Variants in WSCD1 observed in about 807,000 individuals in gnomAD.
WSCD1 encodes WSC domain sialate O sulfotransferase 1, also known as sialate:O-sulfotransferase 1.
WSCD1 carries 41 observed loss-of-function variants against 60.4 expected under a neutral mutation model. The ratio of observed to expected loss-of-function variants is 0.68; its 90% CI spans 0.53 to 0.88. The LOEUF (loss-of-function observed/expected upper bound fraction) is 0.88. Among genes scored for constraint, WSCD1 ranks in the 40% least tolerant of loss-of-function variants. The pLI is 0.00. For synonymous variants in WSCD1, 361 were observed against 332.5 expected (o/e 1.09, Z -0.93); for missense variants, 784 against 796.2 (o/e 0.98, Z 0.18).
intron 8 of WSCD1, 127 bp from the exon 9 acceptor site, chr17:6,120,182 C>G: frequency 3.8e-6 from 4 of 1,042,152 alleles, no homozygotes; most frequent in Non-Finnish European, 5.6e-6. Flanking sequence ...TGGGGAATGC[C>G]AGGTTGACTC....
chr17:6,084,381 A>C (rs955835372), intron 2 of WSCD1, among the ~76,000 whole-genome samples: 3 of 152,236 alleles, frequency 2.0e-5, no homozygotes, highest in African/African-American at 7.2e-5. Context: ...CCATGGGCCA[A>C]GCACAGCCAG....
chr17:6,070,153 GGTGTGTGTGT>G (rs375644165), upstream of WSCD1, among the ~76,000 whole-genome samples: 1 of 142,234 alleles, frequency 7.0e-6, no homozygotes, highest in East Asian at 2.2e-4. Flanking sequence ...CTGGGTGACT[GGTGTGTGTGT>G]GTGTGTGTGT....
At chr17:6,108,546 T>C (rs1173652436) in intron 5 of WSCD1, among the ~76,000 whole-genome samples, 1 of 152,198 alleles carries the variant, frequency 6.6e-6, no homozygotes, top group Non-Finnish European at 1.5e-5. Flanking sequence ...ACACAGCTGA[T>C]GCCCAGAGAG....
intron 5 of WSCD1, 151 bp from the exon 6 acceptor site, chr17:6,109,456 G>A: frequency 8.8e-7 from 1 of 1,141,072 alleles, no homozygotes; most frequent in Non-Finnish European, 1.2e-6. Flanking sequence ...TGGGCACAGA[G>A]CACAGTGGTG....
At chr17:6,089,108 T>C (rs558512680) in intron 3 of WSCD1, among the ~76,000 whole-genome samples, 121 of 152,368 alleles carry the variant, frequency 7.9e-4, no homozygotes, top group African/African-American at 2.7e-3. Flanking sequence ...ACATAAATTC[T>C]TTCCATAGTC....
chr17:6,093,217 C>T (rs36005815), intron 4 of WSCD1, among the ~76,000 whole-genome samples: 44,105 of 152,176 alleles, frequency 0.29, 7,259 homozygotes, highest in African/African-American at 0.45. Context: ...CAGTGAAGTG[C>T]GGAGGCAGCC....
In WSCD1 at chr17:6,109,820, G is replaced by A. The variant is rs563451259; in HGVS notation, c.1009+54G>A. On this transcript the variant is annotated intron_variant, in intron 6 of 8. Coordinates refer to ENST00000317744, the MANE Select transcript of WSCD1 (RefSeq NM_015253.2). ...GCATTTGGTCTGGGGGGTGGGGAGA[G>A]CTTCCAGGGTTTGGAGATGCCAGTC... The A allele has an allele frequency of 1.1e-5, 18 of 1,585,186 alleles. No individual in the cohort carries two copies. In the African/African-American group the frequency reaches 2.3e-4, roughly 20 times the overall value.
chr17:6,091,817 G>A (rs1047004444), intron 4 of WSCD1, among the ~76,000 whole-genome samples: 10 of 152,290 alleles, frequency 6.6e-5, no homozygotes, highest in Admixed American at 2.0e-4. Context: ...AGGGCTCCAG[G>A]AGAGCTGACG....
chr17:6,093,656 G>T (rs115688204), intron 4 of WSCD1, among the ~76,000 whole-genome samples: 1 of 152,158 alleles, frequency 6.6e-6, no homozygotes, highest in Admixed American at 6.5e-5. Context: ...CACCACCCTC[G>T]ACCTTGACAC....
In WSCD1 at chr17:6,085,853, G is replaced by A. The variant is rs534485120; in HGVS notation, c.428-2137G>A. 1.3e-3 allele frequency among the ~76,000 whole-genome samples: 199 copies of A among 152,318 alleles called. 1 individual carries two copies. The highest frequency in any genetic ancestry group is 0.01 in the Middle Eastern group (3 of 294). ...GAAGGATCCATTCTCACTGACCCGG[G>A]TGAAAGCTCTGTGCAGTGGTCCGTG... is the stretch of plus-strand genomic sequence containing the variant. On this transcript the variant is annotated intron_variant, in intron 2 of 8. Coordinates refer to ENST00000317744, the MANE Select transcript of WSCD1 (RefSeq NM_015253.2).
intron 5 of WSCD1, among the ~76,000 whole-genome samples, chr17:6,097,831 G>A (rs1370786679): frequency 6.6e-6 from 1 of 152,226 alleles, no homozygotes; most frequent in East Asian, 1.9e-4. Context: ...GGGGAGGCAA[G>A]GCACCCTCGT....
rs1911310294 is a variant in WSCD1, at chr17:6,109,864, A to G, written c.1009+98A>G. ...GCCAGTCATGGCCAAGCATGCAGTT[A>G]TGAGGTATGGCATGTGTCTGTGTAA... On this transcript the variant is annotated intron_variant, in intron 6 of 8. Transcript: ENST00000317744. 20 of 1,490,070 alleles carry G rather than the reference A, an allele frequency of 1.3e-5. No individual in the cohort carries two copies. The South Asian group carries it at 2.6e-4, about 19-fold the overall frequency. 92.3% of individuals were successfully genotyped at this position (1,490,070 alleles called of 1,614,324 possible). A position where few individuals can be genotyped will look rare whatever the true frequency, so the allele number is the denominator to read the frequency against.
In WSCD1 at chr17:6,090,372, C is replaced by G; in HGVS notation, c.594C>G (p.Asn198Lys). The G allele has an allele frequency of 1.2e-6, 2 of 1,609,800 alleles. No individual in the cohort carries two copies. The highest frequency in any genetic ancestry group is 1.7e-6 in the Non-Finnish European group (2 of 1,178,314). ...LEAGAECYCG[N>K]RLPAVSVGLE... ...CCGGGGCGGAGTGTTACTGCGGGAACCGGCTGCCAGCGGTGAGCGTGGGGC... is the reference window on the plus strand; with the variant it reads ...CCGGGGCGGAGTGTTACTGCGGGAAGCGGCTGCCAGCGGTGAGCGTGGGGC... The change falls in exon 4 of 9, where the codon AAC becomes AAG. Residue 198 changes from asparagine to lysine, a missense_variant. Transcript: ENST00000317744.
rs1162530659 is a variant in WSCD1 at position 6,118,385 on chromosome 17, C to T, written c.1375+197C>T. Among the ~76,000 whole-genome samples, 3 of 152,150 alleles carry T rather than the reference C, an allele frequency of 2.0e-5. No homozygotes were observed. Among genetic ancestry groups the T allele is most frequent in the Non-Finnish European group, 4.4e-5 (3 of 68,036 alleles). On this transcript the variant is annotated intron_variant, in intron 8 of 8. Transcript: ENST00000317744. This position sits in a 1 kb window ranked among gnomAD's most constrained non-coding sequence, Gnocchi z 5.8. ...TGAGTTCACCTCCTCCCCTTGCCCCCCATGCCTGCTGAGGTCCATACGCCA... is the reference window on the plus strand; with the variant it reads ...TGAGTTCACCTCCTCCCCTTGCCCCTCATGCCTGCTGAGGTCCATACGCCA...
intron 4 of WSCD1, among the ~76,000 whole-genome samples, chr17:6,092,012 G>A (rs1205019187): frequency 6.6e-6 from 1 of 152,088 alleles, no homozygotes; most frequent in African/African-American, 2.4e-5. Flanking sequence ...AAATTTGCCG[G>A]ATGTGGTGGC....
rs1263096745 is a variant in WSCD1 at position 6,075,298 on chromosome 17, G to A, written c.-289+4646G>A. Among the ~76,000 whole-genome samples the A allele has an allele frequency of 1.3e-5, 2 of 152,050 alleles. No homozygotes were observed. Among genetic ancestry groups the A allele is most frequent in the African/African-American group, 2.4e-5 (1 of 41,368 alleles). On this transcript the variant is annotated intron_variant, in intron 1 of 8. Coordinates refer to ENST00000317744, the MANE Select transcript of WSCD1 (RefSeq NM_015253.2). This position sits in a 1 kb window ranked among gnomAD's most constrained non-coding sequence, Gnocchi z 4.1. ...CCTGTTCTCTCTGACCGGGGGTCAC[G>A]GGGAGGTTGAGTCATCTGACTGAAC...
At chr17:6,113,744 C>T (rs886283529) in intron 7 of WSCD1, among the ~76,000 whole-genome samples, 1 of 152,142 alleles carries the variant, frequency 6.6e-6, no homozygotes. Flanking sequence ...AAAACATGCT[C>T]AGTATCACTA....
At chr17:6,117,622 G>A (rs979977358) in intron 7 of WSCD1, among the ~76,000 whole-genome samples, 2 of 152,240 alleles carry the variant, frequency 1.3e-5, no homozygotes, top group African/African-American at 4.8e-5. Context: ...TAAATCAAAG[G>A]TTGTTTGTAA....
At chr17:6,105,198 A>G (rs556934436) in intron 5 of WSCD1, among the ~76,000 whole-genome samples, 2 of 152,256 alleles carry the variant, frequency 1.3e-5, no homozygotes, top group South Asian at 2.1e-4. Flanking sequence ...CCAGCCCAGC[A>G]CTAGCCGTGC....
Sources: allele counts gnomAD v4.1 joint callset (sites outside exome capture counted in the v4.1 genomes callset), GRCh38; gene constraint gnomAD v4.1.1; non-coding constraint Gnocchi (gnomAD v3.1); transcripts MANE v1.5; gene names NCBI Gene and HGNC (gene_info 2026-07-23, HGNC 2026-07-21).